Variants in MUC13 observed in about 807,000 individuals in gnomAD.
MUC13 encodes mucin 13, cell surface associated.
A neutral mutation model predicts 48.3 loss-of-function variants in MUC13; 32 were observed. The observed-to-expected ratio is 0.66, with a 90% CI of 0.50 to 0.89. The LOEUF is 0.89. MUC13 is among the 40% of genes least tolerant of loss of function. The pLI, the probability that MUC13 is intolerant of heterozygous loss-of-function variation, is 0.00. For synonymous variants in MUC13, 199 were observed against 224.9 expected (o/e 0.88, Z 1.03); for missense variants, 571 against 622.8 (o/e 0.92, Z 0.88).
intron 5 of MUC13, among the ~76,000 whole-genome samples, chr3:124,917,179 C>T (rs1460407336): frequency 6.6e-6 from 1 of 152,114 alleles, no homozygotes; most frequent in African/African-American, 2.4e-5. Flanking sequence ...CTAAGCACAG[C>T]TGTGCCAAGT....
intron 1 of MUC13, 40 bp downstream of exon 1, chr3:124,934,621 T>C (rs376678184): frequency 1.3e-5 from 18 of 1,428,492 alleles, no homozygotes; most frequent in Non-Finnish European, 1.8e-5. Flanking sequence ...AAAGACAACA[T>C]ACATGATTGG....
intron 2 of MUC13, among the ~76,000 whole-genome samples, chr3:124,926,821 A>G (rs1935695788): frequency 6.6e-6 from 1 of 152,246 alleles, no homozygotes; most frequent in African/African-American, 2.4e-5. Context: ...GAGTTACAAC[A>G]GAGACCCCAC....
At chr3:124,907,841 G>A (rs564250827) in intron 11 of MUC13, among the ~76,000 whole-genome samples, 88 of 152,134 alleles carry the variant, frequency 5.8e-4, no homozygotes, top group Non-Finnish European at 9.0e-4. Flanking sequence ...CATAATCTCT[G>A]GAGTCGTATT....
At position 124,912,131 on chromosome 3, in the gene MUC13, C is replaced by G. The variant is rs368618875; in HGVS notation, c.1225G>C (p.Gly409Arg). 129 of 1,612,878 alleles carry G rather than the reference C, an allele frequency of 8.0e-5. No homozygotes were observed. Among genetic ancestry groups the G allele is most frequent in the Non-Finnish European group, 1.1e-4 (129 of 1,179,600 alleles). Reference sequence around the variant, plus strand: ...TCCTTACAGTCGAGTCCACTGTAGCCAAATGCACACCTGAAATACAGTGAG... The same window carrying G: ...TCCTTACAGTCGAGTCCACTGTAGCGAAATGCACACCTGAAATACAGTGAG... ...ANGNCQKCAFGYSGLDCKDKF... is the reference protein window; with the variant it reads ...ANGNCQKCAFRYSGLDCKDKF... The change falls in exon 9 of 12, where the codon GGC (glycine) becomes CGC (arginine). Residue 409 changes from glycine (G) to arginine (R), a missense_variant. Coordinates refer to ENST00000616727, the MANE Select transcript of MUC13 (RefSeq NM_033049.4).
intron 3 of MUC13, among the ~76,000 whole-genome samples, chr3:124,922,728 C>T (rs1290998777): frequency 6.6e-6 from 1 of 152,222 alleles, no homozygotes; most frequent in Non-Finnish European, 1.5e-5. Context: ...CCTTGGCCTC[C>T]CAAAGTGCTG....
chr3:124,930,965 G>T (rs1237044179), intron 1 of MUC13, among the ~76,000 whole-genome samples: 2 of 152,154 alleles, frequency 1.3e-5, no homozygotes, highest in Non-Finnish European at 2.9e-5. Flanking sequence ...TTGTGCGGGG[G>T]TTCTTGCAGT....
rs563798115 is a variant in MUC13, at chr3:124,921,021, C to A, written c.745-732G>T. 1.8e-3 allele frequency among the ~76,000 whole-genome samples: 281 copies of A among 152,332 alleles called. 2 individuals carry two copies. The highest frequency in any genetic ancestry group is 3.6e-3 in the Non-Finnish European group (248 of 68,036). ...GTCGGAAGCACTAGCTCTCTTTGCA[C>A]CATCTGTAAAATCATTTCCACGATA... On this transcript the variant is annotated intron_variant, in intron 4 of 11. Transcript: ENST00000616727.
intron 3 of MUC13, among the ~76,000 whole-genome samples, chr3:124,923,102 G>A (rs200983740): frequency 3.8e-3 from 533 of 141,096 alleles, no homozygotes; most frequent in Non-Finnish European, 4.2e-3. Flanking sequence ...TCATAAAACA[G>A]AAAAAAAAAA....
At chr3:124,928,401 T>C (rs1422568628) in intron 1 of MUC13, among the ~76,000 whole-genome samples, 2 of 152,120 alleles carry the variant, frequency 1.3e-5, no homozygotes, top group Admixed American at 1.3e-4. Flanking sequence ...ATTTTAGGAA[T>C]AAGGTCTTGC....
chr3:124,905,444 C>CCAT lies in MUC13; in HGVS notation c.*1296_*1298dup, dbSNP rs1385899416. On this transcript the variant is annotated 3_prime_UTR_variant, in exon 12 of 12. Transcript: ENST00000616727. ...AAAAAAAGCCCCAGACACAAGGACACCATCTAACAAAGGCACTTTATTGCA... is the reference window on the plus strand; with the variant it reads ...AAAAAAAGCCCCAGACACAAGGACACCATCATCTAACAAAGGCACTTTATTGCA... 5 of 150,598 alleles carry CCAT rather than the reference C, an allele frequency of 3.3e-5. No individual in the cohort carries two copies. Among genetic ancestry groups the CCAT allele is most frequent in the Non-Finnish European group, 7.4e-5 (5 of 67,628 alleles). The allele number at this position is 150,598 out of a possible 1,614,324, so 9.3% of individuals were successfully genotyped here. A position where few individuals can be genotyped will look rare whatever the true frequency, so the allele number is the denominator to read the frequency against.
chr3:124,929,289 A>G (rs1935752247), intron 1 of MUC13, among the ~76,000 whole-genome samples: 1 of 151,378 alleles, frequency 6.6e-6, no homozygotes, highest in Non-Finnish European at 1.5e-5. Flanking sequence ...TGATCCTCCC[A>G]CCTTGGCCGC....
intron 5 of MUC13, 187 bp downstream of exon 5, chr3:124,920,047 T>C: frequency 1.6e-6 from 1 of 642,082 alleles, no homozygotes; most frequent in South Asian, 1.9e-5. Context: ...CTGCCCAGAG[T>C]TGGGGTGACA....
At chr3:124,933,786 A>C (rs1935837750) in intron 1 of MUC13, among the ~76,000 whole-genome samples, 1 of 152,100 alleles carries the variant, frequency 6.6e-6, no homozygotes, top group African/African-American at 2.4e-5. Context: ...TTTTCCTATT[A>C]GTCCATCTAC....
intron 10 of MUC13, among the ~76,000 whole-genome samples, chr3:124,908,920 G>A (rs770969727): frequency 7.9e-5 from 12 of 152,182 alleles, no homozygotes; most frequent in Non-Finnish European, 1.3e-4. Flanking sequence ...CTGGGAGGCC[G>A]TGGTGGGCAG....
At chr3:124,928,678 G>A (rs141403183) in intron 1 of MUC13, among the ~76,000 whole-genome samples, 2,810 of 152,220 alleles carry the variant, frequency 0.018, 42 homozygotes, top group Non-Finnish European at 0.032. Flanking sequence ...CACCAGTCCC[G>A]CAGAAGAGTT....
At chr3:124,918,265 T>C (rs1559998678) in intron 5 of MUC13, among the ~76,000 whole-genome samples, 1 of 152,134 alleles carries the variant, frequency 6.6e-6, no homozygotes, top group Admixed American at 6.5e-5. Flanking sequence ...GCCTAAGAAA[T>C]GCCTTTCTAG....
At chr3:124,934,524 C>G in intron 1 of MUC13, 137 bp downstream of exon 1, 1 of 625,016 alleles carries the variant, frequency 1.6e-6, no homozygotes, top group East Asian at 2.7e-5. Context: ...TGTCTTTGAG[C>G]TGAGCTGGAG....
At chr3:124,930,727 C>T (rs1935781966) in intron 1 of MUC13, among the ~76,000 whole-genome samples, 1 of 152,200 alleles carries the variant, frequency 6.6e-6, no homozygotes, top group Non-Finnish European at 1.5e-5. Flanking sequence ...CCAGGGCACA[C>T]CTATAACTGC....
chr3:124,932,806 C>G (rs770049515), intron 1 of MUC13, among the ~76,000 whole-genome samples: 12 of 151,954 alleles, frequency 7.9e-5, no homozygotes, highest in Non-Finnish European at 1.8e-4. Context: ...CATCTGAATC[C>G]CTGCTTGCCC....
Sources: gnomAD v4.1 joint callset for allele counts (sites outside exome capture counted in the v4.1 genomes callset) on GRCh38, gnomAD v4.1.1 for gene constraint, MANE v1.5 for transcripts, NCBI Gene and HGNC (gene_info 2026-07-23, HGNC 2026-07-21) for gene names.